Variants in NOL4L observed in about 807,000 individuals in gnomAD.
The protein encoded by NOL4L is nucleolar protein 4-like.
NOL4L carries 7 observed loss-of-function variants against 64.5 expected under a neutral mutation model. That is an observed-to-expected ratio of 0.11 (90% CI 0.06 to 0.20). The LOEUF (loss-of-function observed/expected upper bound fraction) is 0.20. Ranked by LOEUF, NOL4L falls within the 10% of genes least tolerant of loss-of-function variation. The pLI is 1.00. For synonymous variants in NOL4L, 413 were observed against 401.0 expected (o/e 1.03, Z -0.36); for missense variants, 680 against 967.1 (o/e 0.70, Z 3.94).
At chr20:32,486,343 C>A (rs1267437328) in intron 4 of NOL4L, among the ~76,000 whole-genome samples, 1 of 152,218 alleles carries the variant, frequency 6.6e-6, no homozygotes, top group African/African-American at 2.4e-5. Flanking sequence ...TCTTCTGGCC[C>A]CAGCCTGGTA....
Position 32,447,803 on chromosome 20 carries a change from G to T in NOL4L, c.1836C>A (p.Leu612=), listed in dbSNP as rs1304072460. The T allele has an allele frequency of 3.8e-6, 6 of 1,562,978 alleles. No individual in the cohort carries two copies. The South Asian group carries it at 6.0e-5, about 16-fold the overall frequency. The part of the protein sequence containing the change: ...TGNHSNGPTD[L]SMKGGASTTS... Reference sequence around the variant, plus strand: ...TGGTAGAGGCCCCGCCTTTCATGCTGAGGTCCGTGGGCCCTGTGGAGAGGG... The same window carrying T: ...TGGTAGAGGCCCCGCCTTTCATGCTTAGGTCCGTGGGCCCTGTGGAGAGGG... Residue 612 remains leucine, a synonymous_variant, in exon 11 of 11, where the codon CTC becomes CTA. Transcript: ENST00000621426.
intron 6 of NOL4L, among the ~76,000 whole-genome samples, chr20:32,454,559 C>T (rs978645605): frequency 6.6e-6 from 1 of 152,236 alleles, no homozygotes; most frequent in Non-Finnish European, 1.5e-5. Flanking sequence ...CCCCCATGCC[C>T]CTCCATCTTC....
At chr20:32,456,070 G>GAC in intron 6 of NOL4L, 48 bp downstream of exon 6, 2 of 1,451,724 alleles carry the variant, frequency 1.4e-6, no homozygotes, top group Non-Finnish European at 1.8e-6. Context: ...CTCGCCTCGC[G>GAC]ACAGCCCTTT....
chr20:32,556,074 C>A (rs1372417334), intron 1 of NOL4L, among the ~76,000 whole-genome samples: 1 of 152,230 alleles, frequency 6.6e-6, no homozygotes, highest in Admixed American at 6.5e-5. Flanking sequence ...CTGCCTTGGT[C>A]TCTGCACAGT....
intron 2 of NOL4L, among the ~76,000 whole-genome samples, chr20:32,525,154 G>A (rs1195010732): frequency 6.6e-6 from 1 of 152,224 alleles, no homozygotes; most frequent in Non-Finnish European, 1.5e-5. Flanking sequence ...TTGGCCCAGG[G>A]ATGCAAGTGC....
At chr20:32,523,986 G>A (rs2018038184) in intron 2 of NOL4L, among the ~76,000 whole-genome samples, 1 of 152,178 alleles carries the variant, frequency 6.6e-6, no homozygotes, top group Admixed American at 6.5e-5. Context: ...GGGTGGATTA[G>A]CACGTGGTGG....
chr20:32,458,401 C>A (rs755347209), intron 5 of NOL4L, among the ~76,000 whole-genome samples: 16 of 152,248 alleles, frequency 1.1e-4, no homozygotes, highest in Admixed American at 2.0e-4. Context: ...ACTCACGCCT[C>A]CAACCCCAGC....
At chr20:32,532,539 T>TGC in intron 1 of NOL4L, 1 of 181,942 alleles carries the variant, frequency 5.5e-6, no homozygotes, top group Non-Finnish European at 1.0e-5. Flanking sequence ...AGGCCTTCCC[T>TGC]AGCTAAGGAT....
Position 32,447,722 on chromosome 20 carries a change from G to A in NOL4L, c.1917C>T (p.Pro639=), listed in dbSNP as rs773849504. 57 of 1,609,578 alleles carry A rather than the reference G, an allele frequency of 3.5e-5. No homozygotes were observed. Among genetic ancestry groups the A allele is most frequent in the Admixed American group, 6.7e-5 (4 of 59,826 alleles). The change falls in exon 11 of 11, where the codon CCC becomes CCT. Residue 639 remains proline (P), a synonymous_variant. Transcript: ENST00000621426. ...TCTCCGTGGGGCTGAGCTGAGCGGT[G>A]GGCACGGGCCTGCTGGTGCTGGTGC... ...PSSTSTSRPV[P]TAQLSPTEIS... is the part of the protein sequence containing the mutation.
intron 4 of NOL4L, among the ~76,000 whole-genome samples, chr20:32,495,751 G>T (rs1008516491): frequency 6.6e-6 from 1 of 152,028 alleles, no homozygotes; most frequent in African/African-American, 2.4e-5. Flanking sequence ...AAGCCCAGGA[G>T]TTCAAGACCA....
At chr20:32,564,795 T>C (rs1233896905) in intron 1 of NOL4L, among the ~76,000 whole-genome samples, 1 of 152,238 alleles carries the variant, frequency 6.6e-6, no homozygotes, top group Non-Finnish European at 1.5e-5. Flanking sequence ...AGCAGCCCAG[T>C]GCCTCGGGGG....
intron 1 of NOL4L, among the ~76,000 whole-genome samples, chr20:32,571,600 G>A (rs903508442): frequency 3.3e-5 from 5 of 152,074 alleles, no homozygotes; most frequent in African/African-American, 1.2e-4. Flanking sequence ...GCCCCTCCTA[G>A]GAGGCCTATC....
intron 1 of NOL4L, among the ~76,000 whole-genome samples, chr20:32,557,229 C>T (rs577141764): frequency 3.3e-5 from 5 of 152,374 alleles, no homozygotes; most frequent in African/African-American, 1.2e-4. Flanking sequence ...GCAGCCTCCC[C>T]GCTACCGTCC....
chr20:32,584,514 C>G (rs1256503511), intron 1 of NOL4L, 56 bp downstream of exon 1: 1 of 1,117,996 alleles, frequency 8.9e-7, no homozygotes, highest in Admixed American at 4.4e-5. Flanking sequence ...CGCCCCCGCC[C>G]GCCTGCCCCA....
chr20:32,568,442 C>T (rs1427348350), intron 1 of NOL4L, among the ~76,000 whole-genome samples: 1 of 152,004 alleles, frequency 6.6e-6, no homozygotes, highest in Non-Finnish European at 1.5e-5. Flanking sequence ...CCATTTAGGG[C>T]ACTGCCCCCT....
intron 3 of NOL4L, chr20:32,520,212 G>C (rs1382958399): frequency 6.6e-6 from 1 of 151,996 alleles, no homozygotes; most frequent in African/African-American, 2.4e-5. Flanking sequence ...CATGAACCCG[G>C]GAGGCGGAGC....
intron 4 of NOL4L, among the ~76,000 whole-genome samples, chr20:32,485,093 A>G (rs13044256): frequency 0.23 from 26,013 of 112,946 alleles, 4,012 homozygotes; most frequent in East Asian, 0.72. Context: ...AAAAACAACT[A>G]AAAAAAAACC....
At chr20:32,481,481 AG>A (rs1184124337) in intron 4 of NOL4L, among the ~76,000 whole-genome samples, 2 of 152,196 alleles carry the variant, frequency 1.3e-5, no homozygotes, top group African/African-American at 4.8e-5. Context: ...AGCTCCACAG[AG>A]CCCCAGGGTA....
chr20:32,469,409 TA>T (rs1381725569), intron 5 of NOL4L, among the ~76,000 whole-genome samples: 171 of 152,126 alleles, frequency 1.1e-3, no homozygotes, highest in African/African-American at 3.8e-3. Flanking sequence ...TTGCTCTTGT[TA>T]CTCAGGCTGG....
Sources: allele counts gnomAD v4.1 joint callset (sites outside exome capture counted in the v4.1 genomes callset), GRCh38; gene constraint gnomAD v4.1.1; transcripts MANE v1.5; gene names NCBI Gene and HGNC (gene_info 2026-07-23, HGNC 2026-07-21).